The following MANBA variants were observed in gnomAD, a reference collection of about 807,000 sequenced individuals.
MANBA encodes mannosidase beta, also known as beta-mannosidase.
MANBA carries 83 observed loss-of-function variants against 111.1 expected under a neutral mutation model. The ratio of observed to expected loss-of-function variants is 0.75; its 90% CI spans 0.63 to 0.90. The LOEUF (loss-of-function observed/expected upper bound fraction) is 0.90, where lower values mean the gene tolerates loss of function less well. Among genes scored for constraint, MANBA ranks in the 40% least tolerant of loss-of-function variants. The pLI, the probability that MANBA is intolerant of heterozygous loss-of-function variation, is 0.00. For synonymous variants in MANBA, 370 were observed against 378.7 expected (o/e 0.98, Z 0.27); for missense variants, 1,036 against 1,069.0 (o/e 0.97, Z 0.43).
chr4:102,739,253 GAAGA>G (rs2110204487), intron 1 of MANBA, among the ~76,000 whole-genome samples: 1 of 152,290 alleles, frequency 6.6e-6, no homozygotes, highest in East Asian at 1.9e-4. Context: ...ATTGAAACAG[GAAGA>G]AATAGAAACT....
intron 1 of MANBA, among the ~76,000 whole-genome samples, chr4:102,750,767 G>A (rs1328460291): frequency 2.0e-5 from 3 of 152,072 alleles, no homozygotes; most frequent in African/African-American, 7.2e-5. Context: ...AAACAAATTA[G>A]CTGGGTATGG....
chr4:102,673,796 T>C, intron 8 of MANBA, 123 bp downstream of exon 8: 1 of 886,938 alleles, frequency 1.1e-6, no homozygotes, highest in Non-Finnish European at 1.8e-6. Flanking sequence ...TTCCATCGTC[T>C]AGAATTCTAT....
At chr4:102,640,006 A>G in intron 13 of MANBA, 149 bp from the exon 14 acceptor site, 4 of 801,474 alleles carry the variant, frequency 5.0e-6, no homozygotes, top group Non-Finnish European at 6.3e-6. Flanking sequence ...TATTAGGAAT[A>G]CATTATACTA....
At chr4:102,661,223 T>A (rs372511977) in intron 11 of MANBA, among the ~76,000 whole-genome samples, 2 of 152,382 alleles carry the variant, frequency 1.3e-5, no homozygotes, top group African/African-American at 4.8e-5. Flanking sequence ...TTCCCTTGAA[T>A]GTAACCTTTT....
intron 4 of MANBA, among the ~76,000 whole-genome samples, chr4:102,716,369 T>C (rs1466376331): frequency 1.5e-5 from 2 of 134,748 alleles, no homozygotes; most frequent in East Asian, 2.3e-4. Flanking sequence ...CAAACACTTA[T>C]AAATAGGTTT....
chr4:102,760,741 A>T lies in MANBA; in HGVS notation c.154T>A (p.Leu52Met), dbSNP rs1256118231. The T allele has an allele frequency of 1.3e-6, 2 of 1,545,968 alleles. No homozygotes were observed. Among genetic ancestry groups the T allele is most frequent in the Non-Finnish European group, 1.7e-6 (2 of 1,144,896 alleles). ...ACCTGGATCAGGCCCTGCTGGAACA[A>T]GGCGCTGTGCACGCAGCCAGGGACC... ...GAVPGCVHSALFQQGLIQDSY... is the reference protein window; with the variant it reads ...GAVPGCVHSAMFQQGLIQDSY... The change falls in exon 1 of 17, where the codon TTG (leucine) becomes ATG (methionine). Residue 52 changes from leucine to methionine, a missense_variant. By Grantham distance (15) the Leu-to-Met change is conservative. Coordinates refer to ENST00000647097, the MANE Select transcript of MANBA (RefSeq NM_005908.4).
chr4:102,668,319 A>G lies in MANBA; in HGVS notation c.1317+644T>C, dbSNP rs140311339. The G allele has an allele frequency of 1.7e-3, 267 of 153,598 alleles. 1 individual carries two copies. Among genetic ancestry groups the G allele is most frequent in the Admixed American group, 9.4e-3 (146 of 15,514 alleles). 9.5% of individuals were successfully genotyped at this position (153,598 alleles called of 1,614,324 possible). ...AAGAAGATATCCAGGATCATTTTAT[A>G]TATTTCCTGTGCCAGACCTGGAGTC... On this transcript the variant is annotated intron_variant, in intron 10 of 16. Coordinates refer to ENST00000647097, the MANE Select transcript of MANBA (RefSeq NM_005908.4).
intron 7 of MANBA, among the ~76,000 whole-genome samples, chr4:102,680,582 TAAA>T (rs397722736): frequency 7.0e-6 from 1 of 142,472 alleles, no homozygotes; most frequent in Non-Finnish European, 1.5e-5. Flanking sequence ...TCCAAAGTTC[TAAA>T]AAAAAAAAAT....
chr4:102,707,374 C>T (rs142002161), intron 5 of MANBA, among the ~76,000 whole-genome samples: 87 of 152,266 alleles, frequency 5.7e-4, no homozygotes, highest in Non-Finnish European at 1.1e-3. Flanking sequence ...CTTTCTAAGA[C>T]AAGCAAAAGC....
intron 16 of MANBA, among the ~76,000 whole-genome samples, chr4:102,634,515 G>C (rs1221023858): frequency 6.6e-6 from 1 of 152,210 alleles, no homozygotes; most frequent in Non-Finnish European, 1.5e-5. Context: ...GTGATGACTC[G>C]AGCTTCCTCT....
At chr4:102,654,124 A>G (rs1046164262) in intron 12 of MANBA, among the ~76,000 whole-genome samples, 3 of 151,778 alleles carry the variant, frequency 2.0e-5, no homozygotes, top group Non-Finnish European at 4.4e-5. Flanking sequence ...TGGGTAGATT[A>G]TTGTCGAATT....
At chr4:102,748,149 G>C (rs1237949679) in intron 1 of MANBA, among the ~76,000 whole-genome samples, 1 of 152,090 alleles carries the variant, frequency 6.6e-6, no homozygotes, top group Non-Finnish European at 1.5e-5. Flanking sequence ...TTTCTGCATG[G>C]GTTTGATCCC....
rs751499482 is a variant in MANBA at position 102,664,816 on chromosome 4, A to G, written c.1354T>C (p.Trp452Arg). Reference sequence around the variant, plus strand: ...TCCTCATTTTCATTATTGCCACTCCATATGATGATAGAAGGATGAGATTTC... The same window carrying G: ...TCCTCATTTTCATTATTGCCACTCCGTATGATGATAGAAGGATGAGATTTC... ...RLKSHPSIII[W>R]SGNNENEEAL... is the part of the protein sequence containing the mutation. The change falls in exon 11 of 17, where the codon TGG (tryptophan) becomes CGG (arginine). Residue 452 changes from tryptophan (W) to arginine (R), a missense_variant. Transcript: ENST00000647097. The G allele has an allele frequency of 6.2e-7, 1 of 1,608,638 alleles. No homozygotes were observed. Among genetic ancestry groups the G allele is most frequent in the Non-Finnish European group, 8.5e-7 (1 of 1,174,952 alleles).
intron 11 of MANBA, chr4:102,659,038 G>GAGGGAGAGAGACAGAGAA (rs1730793320): frequency 6.6e-6 from 1 of 152,184 alleles, no homozygotes; most frequent in African/African-American, 2.4e-5. Flanking sequence ...ACTGCAGAGG[G>GAGGGAGAGAGACAGAGAA]AGGGAGAGAG....
In MANBA at chr4:102,723,865, T is replaced by C. The variant is rs771587242; in HGVS notation, c.375A>G (p.Arg125=). The stretch of plus-strand genomic sequence containing the variant: ...CCTAATGTCATTATATACTTACATA[T>C]CTATTGAACATATTGTCTGTTTCCC... ...TIGETDNMFN[R]YSFDITNVVR... Residue 125 remains arginine, a synonymous_variant, in exon 3 of 17, where the codon AGA becomes AGG. Transcript: ENST00000647097. The C allele has an allele frequency of 1.2e-5, 19 of 1,554,946 alleles. No homozygotes were observed. The highest frequency in any genetic ancestry group is 1.4e-5 in the Non-Finnish European group (16 of 1,127,686).
At chr4:102,638,699 C>A (rs1367016746) in intron 14 of MANBA, among the ~76,000 whole-genome samples, 1 of 152,192 alleles carries the variant, frequency 6.6e-6, no homozygotes, top group African/African-American at 2.4e-5. Context: ...CCCCCCAATT[C>A]TACCCCTGAT....
chr4:102,678,332 A>G (rs575681058), intron 7 of MANBA, among the ~76,000 whole-genome samples: 7 of 152,276 alleles, frequency 4.6e-5, no homozygotes, highest in Non-Finnish European at 7.4e-5. Context: ...TCCCGCTTCT[A>G]TGATAAGTGT....
At chr4:102,666,207 C>T (rs181575048) in intron 10 of MANBA, 26 of 152,328 alleles carry the variant, frequency 1.7e-4, no homozygotes, top group African/African-American at 6.3e-4. Flanking sequence ...ACTTTGCATG[C>T]AATGGCTCTC....
At position 102,656,648 on chromosome 4, in the gene MANBA, T is replaced by C. The variant is rs1272878368; in HGVS notation, c.1704+1034A>G. ...TACACAAATGTTCCCAGCAGCATTA[T>C]TCATAATAGCCAAACAGAGGAAACA... On this transcript the variant is annotated intron_variant, in intron 12 of 16. Transcript: ENST00000647097. Among the ~76,000 whole-genome samples the C allele has an allele frequency of 3.3e-5, 5 of 152,214 alleles. No homozygotes were observed. The East Asian group carries it at 7.7e-4, about 23-fold the overall frequency.
Sources: gnomAD v4.1 joint callset for allele counts (sites outside exome capture counted in the v4.1 genomes callset) on GRCh38, gnomAD v4.1.1 for gene constraint, MANE v1.5 for transcripts, NCBI Gene and HGNC (gene_info 2026-07-23, HGNC 2026-07-21) for gene names.